HERC2: variants seen among roughly 807,000 people sequenced by gnomAD.
The protein encoded by HERC2 is E3 ubiquitin-protein ligase HERC2.
HERC2 carries 102 observed loss-of-function variants against 537.7 expected under a neutral mutation model. That is an observed-to-expected ratio of 0.19 (90% CI 0.16 to 0.22). The LOEUF is 0.22. Among genes scored for constraint, HERC2 ranks in the 10% least tolerant of loss-of-function variants. The probability of loss-of-function intolerance (pLI) is 1.00; values close to 1 mark genes in which losing one functional copy is unlikely to be tolerated. For synonymous variants in HERC2, 2,224 were observed against 2,466.2 expected, an observed-to-expected ratio of 0.90 and a Z score of 2.91; for missense variants, 4,236 against 6,198.2, an observed-to-expected ratio of 0.68 and a Z score of 10.63.
In HERC2 at chr15:28,146,120, C is replaced by T. The variant is rs1359019376; in HGVS notation, c.11008+117G>A. On this transcript the variant is annotated intron_variant, in intron 71 of 92. Transcript: ENST00000261609. ...TTCACAGCTGAATAGCATATTGTCCCTTCCTTAAGACTTCCATGAGAATAC... is the reference window on the plus strand; with the variant it reads ...TTCACAGCTGAATAGCATATTGTCCTTTCCTTAAGACTTCCATGAGAATAC... 8.3e-6 allele frequency: 6 copies of T among 721,088 alleles called. No homozygotes were observed. In the Admixed American group the frequency reaches 1.2e-4, roughly 15 times the overall value. The allele number at this position is 721,088 out of a possible 1,614,324, so 44.7% of individuals were successfully genotyped here. A position where few individuals can be genotyped will look rare whatever the true frequency, so the allele number is the denominator to read the frequency against.
intron 5 of HERC2, among the ~76,000 whole-genome samples, chr15:28,278,093 A>G (rs2141034851): frequency 6.6e-6 from 1 of 151,790 alleles, no homozygotes; most frequent in African/African-American, 2.4e-5. Flanking sequence ...CAATCTATAC[A>G]AATTAAAAAA....
In HERC2 at chr15:28,116,614, A is replaced by C. The variant is rs751162974; in HGVS notation, c.13609+51T>G. The C allele has an allele frequency of 6.7e-6, 10 of 1,494,610 alleles. No individual in the cohort carries two copies. In the Admixed American group the frequency reaches 1.2e-4, roughly 18 times the overall value. The allele number at this position is 1,494,610 out of a possible 1,614,324, so 92.6% of individuals were successfully genotyped here. ...CAAACAGATAGTACATTTTAACTCA[A>C]GAGCAGGCACAGGCCACAGCGACAC... On this transcript the variant is annotated intron_variant, in intron 88 of 92. Transcript: ENST00000261609.
chr15:28,179,260 GAA>G, intron 57 of HERC2, 37 bp from the exon 58 acceptor site: 1 of 1,463,530 alleles, frequency 6.8e-7, no homozygotes, highest in Non-Finnish European at 9.4e-7. Context: ...AAAAAGAAAA[GAA>G]AATTTTACTT....
intron 37 of HERC2, among the ~76,000 whole-genome samples, chr15:28,219,031 C>T (rs1596262484): frequency 6.6e-6 from 1 of 152,194 alleles, no homozygotes; most frequent in African/African-American, 2.4e-5. Flanking sequence ...ATGCACTAAA[C>T]GTGCACCCTG....
chr15:28,255,403 C>T (rs537498162), intron 19 of HERC2, among the ~76,000 whole-genome samples: 14 of 152,290 alleles, frequency 9.2e-5, no homozygotes, highest in African/African-American at 2.9e-4. Context: ...AACAGTACTA[C>T]ACCTATAAAA....
chr15:28,146,893 G>C (rs1891800333), intron 70 of HERC2, among the ~76,000 whole-genome samples: 1 of 132,476 alleles, frequency 7.5e-6, no homozygotes, highest in South Asian at 2.6e-4. Flanking sequence ...CCGGGAAAGA[G>C]GCAGGGGAGG....
At chr15:28,303,390 C>T (rs1236909635) in intron 2 of HERC2, among the ~76,000 whole-genome samples, 1 of 152,004 alleles carries the variant, frequency 6.6e-6, no homozygotes, top group Non-Finnish European at 1.5e-5. Context: ...CAGTACCATG[C>T]TGTTTTGGTA....
intron 14 of HERC2, among the ~76,000 whole-genome samples, chr15:28,264,020 C>CAAAAAAAAAAAAAAA (rs34823980): frequency 1.2e-5 from 1 of 83,690 alleles, no homozygotes; most frequent in African/African-American, 3.6e-5. Context: ...CTTTGTCTTA[C>CAAAAAAAAAAAAAAA]AAAAAAAAAA....
intron 23 of HERC2, 120 bp from the exon 24 acceptor site, chr15:28,238,892 T>A: frequency 1.3e-6 from 1 of 761,146 alleles, no homozygotes. Context: ...ATGGGAGAAA[T>A]ACATACCTAG....
rs1200249761 is a variant in HERC2, at chr15:28,144,222, G to A, written c.11154C>T (p.Leu3718=). The A allele has an allele frequency of 6.2e-7, 1 of 1,613,992 alleles. No homozygotes were observed. Among genetic ancestry groups the A allele is most frequent in the South Asian group, 1.1e-5 (1 of 91,084 alleles). ...AGGAGAGGACGCAGCGGTCAGAGAG[G>A]AGTTCTTTAGGGCCTGTGAATGAAC... ...PIMPAAGPKE[L]LSDRCVLSCP... Residue 3718 remains leucine, a synonymous_variant, in exon 73 of 93, where the codon CTC becomes CTT. Transcript: ENST00000261609.
intron 10 of HERC2, among the ~76,000 whole-genome samples, chr15:28,269,656 T>C (rs1314346087): frequency 6.6e-6 from 1 of 152,254 alleles, no homozygotes; most frequent in African/African-American, 2.4e-5. Context: ...CATTTCATTT[T>C]AACAGAGCCC....
At chr15:28,314,023 G>A (rs1160109805) in intron 2 of HERC2, among the ~76,000 whole-genome samples, 17 of 152,292 alleles carry the variant, frequency 1.1e-4, no homozygotes, top group South Asian at 6.2e-4. Context: ...CAGCCTTTAC[G>A]GAAAACCAGC....
intron 56 of HERC2, among the ~76,000 whole-genome samples, chr15:28,186,184 A>T (rs1249778691): frequency 6.6e-6 from 1 of 152,248 alleles, no homozygotes; most frequent in African/African-American, 2.4e-5. Flanking sequence ...AATAAAAAAT[A>T]AATACATTTT....
At chr15:28,200,714 C>T (rs2140331704) in intron 48 of HERC2, among the ~76,000 whole-genome samples, 1 of 151,206 alleles carries the variant, frequency 6.6e-6, no homozygotes, top group Non-Finnish European at 1.5e-5. Context: ...TACAAGCAAG[C>T]GTTAGATATG....
intron 20 of HERC2, among the ~76,000 whole-genome samples, chr15:28,253,732 C>T (rs1466640257): frequency 2.6e-5 from 4 of 152,182 alleles, no homozygotes; most frequent in East Asian, 1.9e-4. Context: ...GAGGCCAAGG[C>T]GGGTAGATCA....
chr15:28,191,307 C>T lies in HERC2; in HGVS notation c.8452-63G>A, dbSNP rs1041410814. Reference sequence around the variant, plus strand: ...AAATTCAGCTATATTTTAGCTACTACAATAGTATCGTTGAAGCTTGAATCT... The same window carrying T: ...AAATTCAGCTATATTTTAGCTACTATAATAGTATCGTTGAAGCTTGAATCT... On this transcript the variant is annotated intron_variant, in intron 53 of 92. Transcript: ENST00000261609. 9 of 1,001,092 alleles carry T rather than the reference C, an allele frequency of 9.0e-6. No individual in the cohort carries two copies. The Admixed American group carries it at 1.2e-4, about 14-fold the overall frequency. The allele number at this position is 1,001,092 out of a possible 1,614,324, so 62.0% of individuals were successfully genotyped here. A position where few individuals can be genotyped will look rare whatever the true frequency, so the allele number is the denominator to read the frequency against.
chr15:28,318,080 C>G (rs900814841), intron 2 of HERC2, among the ~76,000 whole-genome samples: 1 of 152,148 alleles, frequency 6.6e-6, no homozygotes, highest in African/African-American at 2.4e-5. Flanking sequence ...TACCTTACAA[C>G]AAAACTGGCG....
intron 79 of HERC2, 82 bp from the exon 80 acceptor site, chr15:28,132,912 CA>C: frequency 8.9e-7 from 1 of 1,118,892 alleles, no homozygotes; most frequent in Non-Finnish European, 1.2e-6. Flanking sequence ...TCTCAATCTA[CA>C]CCTTCCTAAT....
chr15:28,214,013 G>A (rs778942755), intron 41 of HERC2, 41 bp from the exon 42 acceptor site: 41 of 1,609,786 alleles, frequency 2.5e-5, no homozygotes, highest in Non-Finnish European at 2.9e-5. Flanking sequence ...AGACACTCAC[G>A]GAGCTGCCCA....
Sources: gnomAD v4.1 joint callset for allele counts (sites outside exome capture counted in the v4.1 genomes callset) on GRCh38, gnomAD v4.1.1 for gene constraint, MANE v1.5 for transcripts, NCBI Gene and HGNC (gene_info 2026-07-23, HGNC 2026-07-21) for gene names.